The following CD99L2 variants were observed in gnomAD, a reference collection of about 807,000 sequenced individuals.
The protein encoded by CD99L2 is CD99 molecule like 2.
In CD99L2, 24 loss-of-function variants were observed where a neutral mutation model predicts 27.3. The ratio of observed to expected loss-of-function variants is 0.88; its 90% CI spans 0.64 to 1.24. The LOEUF (loss-of-function observed/expected upper bound fraction) is 1.24. Among genes scored for constraint, CD99L2 ranks in the 50% most tolerant of loss-of-function variants. The pLI is 0.00. For missense variants in CD99L2, 255 were observed against 221.6 expected, an observed-to-expected ratio of 1.15 and a Z score of -0.96; for synonymous variants, 97 against 87.9, an observed-to-expected ratio of 1.10 and a Z score of -0.58.
intron 1 of CD99L2, among the ~76,000 whole-genome samples, chrX:150,881,592 G>T (rs1392569984): frequency 8.9e-6 from 1 of 112,281 alleles, no homozygotes; most frequent in African/African-American, 3.2e-5. Context: ...TCAATTAACA[G>T]TTCTTGGAGG....
At chrX:150,855,310 A>C (rs1420456220) in intron 1 of CD99L2, among the ~76,000 whole-genome samples, 1 of 112,040 alleles carries the variant, frequency 8.9e-6, no homozygotes, top group Non-Finnish European at 1.9e-5. Context: ...CTTGCTATAA[A>C]GAACTACCTG....
chrX:150,788,191 C>A (rs1369109190), intron 7 of CD99L2, among the ~76,000 whole-genome samples: 1 of 110,630 alleles, frequency 9.0e-6, no homozygotes, highest in East Asian at 2.8e-4. Flanking sequence ...AAAAGCTAAT[C>A]CAACACGATC....
Position 150,777,469 on chromosome X carries a change from G to A in CD99L2, c.510C>T (p.Tyr170=), listed in dbSNP as rs140019374. 77 of 1,209,911 alleles carry A rather than the reference G, an allele frequency of 6.4e-5. No individual in the cohort carries two copies. In the Middle Eastern group the frequency reaches 1.6e-3, roughly 25 times the overall value. The change falls in exon 8 of 11, where the codon TAC becomes TAT. Residue 170 remains tyrosine (Y), a synonymous_variant. Coordinates refer to ENST00000370377, the MANE Select transcript of CD99L2 (RefSeq NM_031462.4). ...KPDKGKGDGR[Y]GSNDDPGSGM... ...CAGATCCAGGGTCGTCATTGCTGCC[G>A]TACCGGCCATCACCTGAAGAAAAGA...
At chrX:150,865,053 C>T (rs1328009469) in intron 1 of CD99L2, among the ~76,000 whole-genome samples, 7 of 98,482 alleles carry the variant, frequency 7.1e-5, no homozygotes, top group African/African-American at 2.7e-4. Flanking sequence ...GGAGACAGAG[C>T]GAGACCCTGT....
chrX:150,820,879 G>T (rs2046234024), intron 2 of CD99L2, among the ~76,000 whole-genome samples: 1 of 111,509 alleles, frequency 9.0e-6, no homozygotes, highest in Middle Eastern at 4.3e-3. Context: ...CACTAGCAAT[G>T]ATCAATACAA....
At chrX:150,836,811 G>A (rs1557421215) in intron 1 of CD99L2, among the ~76,000 whole-genome samples, 1 of 111,650 alleles carries the variant, frequency 9.0e-6, no homozygotes, top group African/African-American at 3.3e-5. Flanking sequence ...CTACAAACCT[G>A]TACAGCATGT....
intron 1 of CD99L2, among the ~76,000 whole-genome samples, chrX:150,883,241 A>G (rs1465708739): frequency 1.8e-5 from 2 of 112,093 alleles, no homozygotes; most frequent in African/African-American, 6.5e-5. Flanking sequence ...ATGACAACCC[A>G]TAAAAGACAG....
At chrX:150,769,678 TGCGCCACC>T (rs1181765633) in intron 10 of CD99L2, among the ~76,000 whole-genome samples, 2 of 89,106 alleles carry the variant, frequency 2.2e-5, no homozygotes, top group Non-Finnish European at 3.9e-5. Context: ...TCTCCCTGCC[TGCGCCACC>T]AGGCCTCGGC....
intron 10 of CD99L2, among the ~76,000 whole-genome samples, chrX:150,769,682 C>CT (rs1330763833): frequency 1.2e-5 from 1 of 86,108 alleles, no homozygotes; most frequent in Non-Finnish European, 1.9e-5. Flanking sequence ...CCTGCCTGCG[C>CT]CACCAGGCCT....
chrX:150,867,642 C>T (rs2047082855), intron 1 of CD99L2, among the ~76,000 whole-genome samples: 1 of 110,264 alleles, frequency 9.1e-6, no homozygotes, highest in South Asian at 3.8e-4. Context: ...GCCTTTAATC[C>T]CAGCACTTTG....
At chrX:150,882,065 C>T (rs1274657467) in intron 1 of CD99L2, among the ~76,000 whole-genome samples, 3 of 110,900 alleles carry the variant, frequency 2.7e-5, no homozygotes, top group Non-Finnish European at 5.7e-5. Flanking sequence ...ATCCGCCCGC[C>T]TCGGTCTCCC....
intron 2 of CD99L2, among the ~76,000 whole-genome samples, chrX:150,824,622 A>G (rs1316039977): frequency 4.3e-5 from 4 of 92,238 alleles, no homozygotes; most frequent in Middle Eastern, 5.6e-3. Flanking sequence ...GAAGGAGAAG[A>G]AGGAGGAGAA....
intron 1 of CD99L2, among the ~76,000 whole-genome samples, chrX:150,833,080 A>G (rs974507553): frequency 2.0e-4 from 22 of 109,308 alleles, no homozygotes; most frequent in East Asian, 8.6e-4. Context: ...AGACTCCACC[A>G]GAAAACTATG....
At chrX:150,836,213 T>C (rs2046525039) in intron 1 of CD99L2, among the ~76,000 whole-genome samples, 1 of 111,337 alleles carries the variant, frequency 9.0e-6, no homozygotes, top group South Asian at 3.7e-4. Context: ...AGTAAATGGA[T>C]AGGGGATGGT....
Position 150,769,501 on chromosome X carries a change from AT to A in CD99L2, c.722-401del, listed in dbSNP as rs782065126. Among the ~76,000 whole-genome samples the A allele has an allele frequency of 8.0e-5, 9 of 112,322 alleles. No individual in the cohort carries two copies. In the South Asian group the frequency reaches 1.1e-3, roughly 14 times the overall value. ...TTTTTCCACATCTGAACCCAGGCCT[AT>A]TTTAGTTCATTTGGTGCAGCACTGC... On this transcript the variant is annotated intron_variant, in intron 10 of 10. Coordinates refer to ENST00000370377, the MANE Select transcript of CD99L2 (RefSeq NM_031462.4).
chrX:150,769,166 C>A, intron 10 of CD99L2, 65 bp from the exon 11 acceptor site: 1 of 1,096,467 alleles, frequency 9.1e-7, no homozygotes, highest in South Asian at 2.2e-5. Flanking sequence ...GCAAATACAG[C>A]AGCAAGCCCG....
chrX:150,789,672 C>T (rs1471478793), intron 7 of CD99L2, among the ~76,000 whole-genome samples: 1 of 111,205 alleles, frequency 9.0e-6, no homozygotes, highest in Non-Finnish European at 1.9e-5. Flanking sequence ...ATCACCTGAG[C>T]CCAGGAGCTC....
At chrX:150,805,429 A>T (rs1244535462) in intron 4 of CD99L2, among the ~76,000 whole-genome samples, 4 of 110,761 alleles carry the variant, frequency 3.6e-5, no homozygotes, top group Non-Finnish European at 7.5e-5. Flanking sequence ...GTTAATAATA[A>T]TATATTATAT....
chrX:150,884,335 A>G (rs1038984408), intron 1 of CD99L2, among the ~76,000 whole-genome samples: 2 of 111,903 alleles, frequency 1.8e-5, no homozygotes, highest in Non-Finnish European at 3.8e-5. Context: ...ACGCCACTGC[A>G]TACTCGTGAG....
Sources: gnomAD v4.1 joint callset for allele counts (sites outside exome capture counted in the v4.1 genomes callset) on GRCh38, gnomAD v4.1.1 for gene constraint, MANE v1.5 for transcripts, NCBI Gene and HGNC (gene_info 2026-07-23, HGNC 2026-07-21) for gene names.